MTUS2: variants seen among roughly 807,000 people sequenced by gnomAD.
The protein encoded by MTUS2 is microtubule-associated tumor suppressor candidate 2.
Under a neutral mutation model 114.1 loss-of-function variants are expected in MTUS2, and 40 were observed. That is an observed-to-expected ratio of 0.35 (90% CI 0.27 to 0.46). MTUS2 has a LOEUF of 0.46. MTUS2 is among the 20% of genes least tolerant of loss of function. The probability of loss-of-function intolerance (pLI) is 1.00; values close to 1 mark genes in which losing one functional copy is unlikely to be tolerated. For synonymous variants in MTUS2, 688 were observed against 672.0 expected (o/e 1.02, Z -0.37); for missense variants, 1,679 against 1,705.4 (o/e 0.98, Z 0.27).
intron 2 of MTUS2, among the ~76,000 whole-genome samples, chr13:28,894,297 A>G (rs1593277539): frequency 1.2e-3 from 5 of 4,296 alleles, no homozygotes; most frequent in Non-Finnish European, 1.8e-3. Flanking sequence ...GGGGAGAGAG[A>G]GAGAGAGGGG....
At chr13:29,302,556 G>A (rs1055869511) in intron 6 of MTUS2, among the ~76,000 whole-genome samples, 1 of 152,208 alleles carries the variant, frequency 6.6e-6, no homozygotes, top group Non-Finnish European at 1.5e-5. Context: ...GTGCCAAGCA[G>A]TGTCATTTTG....
intron 2 of MTUS2, among the ~76,000 whole-genome samples, chr13:28,851,174 T>C (rs1355544314): frequency 6.6e-6 from 1 of 152,190 alleles, no homozygotes; most frequent in East Asian, 1.9e-4. Context: ...TTACTTATGT[T>C]GGTATAGGAA....
intron 9 of MTUS2, among the ~76,000 whole-genome samples, chr13:29,454,537 C>G (rs1252676405): frequency 6.6e-6 from 1 of 152,100 alleles, no homozygotes; most frequent in African/African-American, 2.4e-5. Context: ...GCAGATCTAC[C>G]TGGGAGCAAG....
chr13:28,937,933 C>T (rs1377122266), intron 2 of MTUS2, among the ~76,000 whole-genome samples: 1 of 152,128 alleles, frequency 6.6e-6, no homozygotes, highest in South Asian at 2.1e-4. Flanking sequence ...AGAAGAGCAA[C>T]TTATGGAGAT....
chr13:28,894,875 G>A (rs1169635547), intron 2 of MTUS2, among the ~76,000 whole-genome samples: 4 of 152,152 alleles, frequency 2.6e-5, no homozygotes, highest in Admixed American at 2.6e-4. Flanking sequence ...GCTTCATGTA[G>A]AAATATAGAA....
intron 2 of MTUS2, among the ~76,000 whole-genome samples, chr13:28,903,761 C>A (rs547900049): frequency 1.3e-5 from 2 of 152,056 alleles, no homozygotes; most frequent in East Asian, 3.9e-4. Flanking sequence ...ATTTATAATC[C>A]TTTGGGTATA....
chr13:28,939,955 C>T (rs1032921227), intron 2 of MTUS2, among the ~76,000 whole-genome samples: 2 of 152,126 alleles, frequency 1.3e-5, no homozygotes, highest in African/African-American at 4.8e-5. Context: ...CAGGGGAACT[C>T]TCCTTTATAA....
At chr13:28,821,562 T>C (rs1472289657) in intron 1 of MTUS2, among the ~76,000 whole-genome samples, 2 of 152,146 alleles carry the variant, frequency 1.3e-5, no homozygotes, top group African/African-American at 2.4e-5. Context: ...TTTTTTCAGG[T>C]AAAAATACAA....
chr13:28,837,629 A>G (rs1378099239), intron 1 of MTUS2, among the ~76,000 whole-genome samples: 1 of 152,228 alleles, frequency 6.6e-6, no homozygotes, highest in Non-Finnish European at 1.5e-5. Context: ...TAATATCTGT[A>G]TTAACATAAA....
chr13:28,984,639 T>G lies in MTUS2; in HGVS notation c.-242-39818T>G, dbSNP rs73164525. Among the ~76,000 whole-genome samples the G allele has an allele frequency of 4.9e-4, 75 of 152,354 alleles. 1 individual carries two copies. Among genetic ancestry groups the G allele is most frequent in the South Asian group, 2.3e-3 (11 of 4,826 alleles). On this transcript the variant is annotated intron_variant, in intron 2 of 15. Transcript: ENST00000612955. ...TGTATTTGGGCTCTTTTCGAACCCC[T>G]ATGACGTAATTTGTCAAATGAGGAT...
At chr13:28,950,118 T>C (rs1242784731) in intron 2 of MTUS2, among the ~76,000 whole-genome samples, 1 of 152,232 alleles carries the variant, frequency 6.6e-6, no homozygotes, top group East Asian at 1.9e-4. Context: ...ACACTTGTTA[T>C]TGTCTGTTTT....
intron 5 of MTUS2, among the ~76,000 whole-genome samples, chr13:29,180,604 T>C (rs986436651): frequency 2.0e-5 from 3 of 152,206 alleles, no homozygotes; most frequent in Non-Finnish European, 1.5e-5. Flanking sequence ...CCGTGCTTCA[T>C]TGATTTTCTA....
chr13:29,054,718 T>C (rs750088575), intron 4 of MTUS2, among the ~76,000 whole-genome samples: 1 of 152,166 alleles, frequency 6.6e-6, no homozygotes, highest in Non-Finnish European at 1.5e-5. Context: ...TTTCCTATGC[T>C]ACTGGCAATA....
At chr13:28,857,041 G>A (rs567378722) in intron 2 of MTUS2, among the ~76,000 whole-genome samples, 2 of 152,230 alleles carry the variant, frequency 1.3e-5, no homozygotes, top group Non-Finnish European at 2.9e-5. Flanking sequence ...TGAGGAGCTG[G>A]TGTTTCCTGA....
intron 8 of MTUS2, among the ~76,000 whole-genome samples, chr13:29,429,138 G>T (rs1876806810): frequency 6.6e-6 from 1 of 152,218 alleles, no homozygotes; most frequent in Non-Finnish European, 1.5e-5. Context: ...AAATGTAACT[G>T]TTGCATTTTC....
At chr13:29,011,973 C>A (rs981666895) in intron 2 of MTUS2, among the ~76,000 whole-genome samples, 1 of 152,136 alleles carries the variant, frequency 6.6e-6, no homozygotes, top group Admixed American at 6.5e-5. Flanking sequence ...TGAAGGAGCC[C>A]TGTGTAAAGT....
Position 29,389,455 on chromosome 13 carries a change from G to C in MTUS2, c.3117+29982G>C, listed in dbSNP as rs1282757885. On this transcript the variant is annotated intron_variant, in intron 8 of 15. Transcript: ENST00000612955. ...CGTGTGTGTATGTGTATGTATACAC[G>C]TGTGTGTATGTGTATATGTATACAC... is the stretch of plus-strand genomic sequence containing the variant. Among the ~76,000 whole-genome samples, 283 of 105,768 alleles carry C rather than the reference G, an allele frequency of 2.7e-3. 9 individuals are homozygous for C. The highest frequency in any genetic ancestry group is 4.9e-3 in the Non-Finnish European group (225 of 46,390). The allele number at this position is 105,768 out of a possible 152,430, so 69.4% of individuals were successfully genotyped here. A position where few individuals can be genotyped will look rare whatever the true frequency, so the allele number is the denominator to read the frequency against.
chr13:29,294,583 T>C (rs774199871), intron 6 of MTUS2, among the ~76,000 whole-genome samples: 3 of 152,224 alleles, frequency 2.0e-5, no homozygotes, highest in Admixed American at 1.3e-4. Flanking sequence ...TATAATGTAT[T>C]ACAATGAAAG....
intron 4 of MTUS2, among the ~76,000 whole-genome samples, chr13:29,058,628 A>G (rs1047089558): frequency 2.2e-4 from 32 of 146,302 alleles, no homozygotes; most frequent in African/African-American, 7.3e-4. Context: ...GTTTTAGGGT[A>G]CATGTGCATG....
Sources: allele counts gnomAD v4.1 joint callset (sites outside exome capture counted in the v4.1 genomes callset), GRCh38; gene constraint gnomAD v4.1.1; transcripts MANE v1.5; gene names NCBI Gene and HGNC (gene_info 2026-07-23, HGNC 2026-07-21).